SLC39A9: variants seen among roughly 807,000 people sequenced by gnomAD.
The protein encoded by SLC39A9 is solute carrier family 39 member 9.
A neutral mutation model predicts 28.4 loss-of-function variants in SLC39A9; 14 were observed. The ratio of observed to expected loss-of-function variants is 0.49; its 90% CI spans 0.33 to 0.77. The LOEUF is 0.77. SLC39A9 is among the 30% of genes least tolerant of loss of function. The probability of loss-of-function intolerance (pLI) is 0.02; values close to 1 mark genes in which losing one functional copy is unlikely to be tolerated. For missense variants in SLC39A9, 283 were observed against 381.1 expected, an observed-to-expected ratio of 0.74 and a Z score of 2.14; for synonymous variants, 119 against 149.6, an observed-to-expected ratio of 0.80 and a Z score of 1.49.
At chr14:69,413,588 G>C (rs1883403278) in intron 1 of SLC39A9, among the ~76,000 whole-genome samples, 1 of 151,514 alleles carries the variant, frequency 6.6e-6, no homozygotes, top group Non-Finnish European at 1.5e-5. Flanking sequence ...ATTTTATTTT[G>C]TCATGAACCA....
intron 1 of SLC39A9, among the ~76,000 whole-genome samples, chr14:69,407,310 T>TC (rs1441751183): frequency 2.1e-5 from 3 of 145,808 alleles, no homozygotes; most frequent in African/African-American, 5.4e-5. Context: ...TTCCCTTCCT[T>TC]CCTTCCTTCC....
intron 2 of SLC39A9, among the ~76,000 whole-genome samples, chr14:69,426,561 A>G (rs961796438): frequency 6.6e-6 from 1 of 152,122 alleles, no homozygotes; most frequent in Non-Finnish European, 1.5e-5. Context: ...GCCTTCATAT[A>G]TGTTCAGCTA....
At chr14:69,453,338 T>C in intron 4 of SLC39A9, 29 bp downstream of exon 4, 2 of 1,603,186 alleles carry the variant, frequency 1.2e-6, no homozygotes, top group Non-Finnish European at 1.7e-6. Flanking sequence ...GGAACTTCTT[T>C]GTTTTCTATC....
At chr14:69,453,395 G>A (rs1363305941) in intron 4 of SLC39A9, 86 bp downstream of exon 4, 4 of 1,285,480 alleles carry the variant, frequency 3.1e-6, no homozygotes, top group African/African-American at 2.9e-5. Context: ...CGTCCTCATT[G>A]AATGCTCTTG....
At chr14:69,426,839 C>T (rs1030539267) in intron 2 of SLC39A9, among the ~76,000 whole-genome samples, 7 of 151,906 alleles carry the variant, frequency 4.6e-5, no homozygotes, top group African/African-American at 1.7e-4. Context: ...ATACACATAA[C>T]GTTTGTGTGT....
intron 5 of SLC39A9, among the ~76,000 whole-genome samples, chr14:69,455,338 T>G (rs1885807505): frequency 6.6e-6 from 1 of 152,162 alleles, no homozygotes; most frequent in Non-Finnish European, 1.5e-5. Flanking sequence ...TTTTGTTTTT[T>G]GTTTTTGAGA....
At chr14:69,450,212 G>A (rs1284379211) in intron 3 of SLC39A9, among the ~76,000 whole-genome samples, 1 of 151,750 alleles carries the variant, frequency 6.6e-6, no homozygotes, top group Non-Finnish European at 1.5e-5. Flanking sequence ...AAGGAAGAAA[G>A]GAAGGAAGAG....
chr14:69,412,458 G>A (rs1883328713), intron 1 of SLC39A9, among the ~76,000 whole-genome samples: 1 of 151,880 alleles, frequency 6.6e-6, no homozygotes, highest in Non-Finnish European at 1.5e-5. Flanking sequence ...TGCCCCTTGA[G>A]TGAAACTATC....
intron 1 of SLC39A9, among the ~76,000 whole-genome samples, chr14:69,415,742 C>T (rs185068589): frequency 2.6e-5 from 4 of 152,214 alleles, no homozygotes; most frequent in Admixed American, 2.0e-4. Context: ...TACCTAGATC[C>T]CTTTCTTCCT....
intron 2 of SLC39A9, among the ~76,000 whole-genome samples, chr14:69,425,926 A>G (rs1884164154): frequency 6.6e-6 from 1 of 152,150 alleles, no homozygotes; most frequent in Non-Finnish European, 1.5e-5. Context: ...TGGCCTCCCA[A>G]AGTGCTGGGA....
intron 2 of SLC39A9, 45 bp from the exon 3 acceptor site, chr14:69,442,024 T>G (rs1393074433): frequency 1.3e-6 from 2 of 1,584,852 alleles, no homozygotes; most frequent in Non-Finnish European, 1.7e-6. Context: ...GAAAATGTTT[T>G]TAGGGGAAAA....
chr14:69,422,871 G>T (rs1322336288), intron 1 of SLC39A9, among the ~76,000 whole-genome samples: 1 of 152,084 alleles, frequency 6.6e-6, no homozygotes, highest in Non-Finnish European at 1.5e-5. Flanking sequence ...ATACTTCTAA[G>T]ATCCCAGTAA....
At chr14:69,422,321 C>G (rs1883943923) in intron 1 of SLC39A9, among the ~76,000 whole-genome samples, 1 of 152,116 alleles carries the variant, frequency 6.6e-6, no homozygotes, top group African/African-American at 2.4e-5. Flanking sequence ...TCAGTGAGAT[C>G]ATAGCTCACT....
Position 69,459,364 on chromosome 14 carries a change from C to T in SLC39A9, c.*771C>T, listed in dbSNP as rs980798280. 1.0e-6 allele frequency: 1 copy of T among 985,394 alleles called. No homozygotes were observed. Among genetic ancestry groups the T allele is most frequent in the African/African-American group, 1.7e-5 (1 of 57,326 alleles). The allele number at this position is 985,394 out of a possible 1,614,324, so 61.0% of individuals were successfully genotyped here. ...AAGTTCTCCTTTGCAGAATACCTGT[C>T]TCCACATTCCTAGAGAGGAGCCAAG... On this transcript the variant is annotated 3_prime_UTR_variant, in exon 7 of 7. Coordinates refer to ENST00000336643, the MANE Select transcript of SLC39A9 (RefSeq NM_018375.5).
intron 2 of SLC39A9, among the ~76,000 whole-genome samples, chr14:69,440,595 AAGAG>A (rs1377186961): frequency 3.3e-5 from 5 of 152,136 alleles, no homozygotes; most frequent in Admixed American, 6.5e-5. Context: ...AAAAGAAAGA[AAGAG>A]AGAGAGACAG....
At chr14:69,447,561 C>G (rs1018199768) in intron 3 of SLC39A9, among the ~76,000 whole-genome samples, 1 of 152,104 alleles carries the variant, frequency 6.6e-6, no homozygotes, top group Non-Finnish European at 1.5e-5. Context: ...GCCTCGGTCT[C>G]CAGCTGACCC....
At position 69,458,946 on chromosome 14, in the gene SLC39A9, C is replaced by T; in HGVS notation, c.*353C>T. The T allele has an allele frequency of 2.0e-6, 2 of 1,021,572 alleles. No homozygotes were observed. Among genetic ancestry groups the T allele is most frequent in the Non-Finnish European group, 1.2e-6 (1 of 851,964 alleles). The allele number at this position is 1,021,572 out of a possible 1,614,324, so 63.3% of individuals were successfully genotyped here. On this transcript the variant is annotated 3_prime_UTR_variant, in exon 7 of 7. Transcript: ENST00000336643. Reference sequence around the variant, plus strand: ...CAATGAAATAGTGATTATGAAAATACAGTGTTCTGTAATTAAGCTATGTCT... The same window carrying T: ...CAATGAAATAGTGATTATGAAAATATAGTGTTCTGTAATTAAGCTATGTCT...
chr14:69,457,755 C>G (rs146539145), intron 6 of SLC39A9, among the ~76,000 whole-genome samples: 1 of 152,130 alleles, frequency 6.6e-6, no homozygotes, highest in African/African-American at 2.4e-5. Context: ...GGAGCAGTGG[C>G]GCATACCTGT....
rs540332033 is a variant in SLC39A9, at chr14:69,441,202, G to A, written c.206-867G>A. Reference sequence around the variant, plus strand: ...AGGCTGAGGTAGGAGGATTGCTTGAGCCCGGGAGGTCGAGGGTGCAGTGAG... The same window carrying A: ...AGGCTGAGGTAGGAGGATTGCTTGAACCCGGGAGGTCGAGGGTGCAGTGAG... On this transcript the variant is annotated intron_variant, in intron 2 of 6. Coordinates refer to ENST00000336643, the MANE Select transcript of SLC39A9 (RefSeq NM_018375.5). Among the ~76,000 whole-genome samples, 9 of 152,232 alleles carry A rather than the reference G, an allele frequency of 5.9e-5. No individual in the cohort carries two copies. The South Asian group carries it at 6.2e-4, about 11-fold the overall frequency.
Sources: allele counts gnomAD v4.1 joint callset (sites outside exome capture counted in the v4.1 genomes callset), GRCh38; gene constraint gnomAD v4.1.1; transcripts MANE v1.5; gene names NCBI Gene and HGNC (gene_info 2026-07-23, HGNC 2026-07-21).